GSE1: variants seen among roughly 807,000 people sequenced by gnomAD.
GSE1 encodes Gse1 coiled-coil protein, also known as genetic suppressor element 1.
A neutral mutation model predicts 112.6 loss-of-function variants in GSE1; 32 were observed. The observed-to-expected ratio is 0.28, with a 90% CI of 0.21 to 0.38. The LOEUF is 0.38. Ranked by LOEUF, GSE1 falls within the 10% of genes least tolerant of loss-of-function variation. The pLI, the probability that GSE1 is intolerant of heterozygous loss-of-function variation, is 1.00. For missense variants in GSE1, 2,348 were observed against 1,699.2 expected, an observed-to-expected ratio of 1.38 and a Z score of -6.71; for synonymous variants, 1,115 against 735.6, an observed-to-expected ratio of 1.52 and a Z score of -8.35.
intron 1 of GSE1, among the ~76,000 whole-genome samples, chr16:85,264,970 A>G (rs889830629): frequency 6.6e-6 from 1 of 152,276 alleles, no homozygotes; most frequent in East Asian, 1.9e-4. Context: ...GAGAAATGGG[A>G]CAGTCACATC....
intron 2 of GSE1, among the ~76,000 whole-genome samples, chr16:85,407,885 C>T (rs574493610): frequency 3.0e-3 from 67 of 22,074 alleles, no homozygotes; most frequent in African/African-American, 9.4e-3. Flanking sequence ...TAATCCTCAC[C>T]GTTACACTCA....
At chr16:85,209,033 T>C (rs923098087) in intron 1 of GSE1, among the ~76,000 whole-genome samples, 1 of 150,784 alleles carries the variant, frequency 6.6e-6, no homozygotes, top group Non-Finnish European at 1.5e-5. Flanking sequence ...GGTTCGCCTG[T>C]GTTGGGGTTT....
At chr16:85,275,680 A>G (rs1031459794) in intron 1 of GSE1, among the ~76,000 whole-genome samples, 1 of 152,058 alleles carries the variant, frequency 6.6e-6, no homozygotes, top group Non-Finnish European at 1.5e-5. Flanking sequence ...GGGTGAGGGG[A>G]CCCCAGGGAC....
chr16:85,386,205 G>C (rs891615699), intron 2 of GSE1, among the ~76,000 whole-genome samples: 1 of 152,168 alleles, frequency 6.6e-6, no homozygotes, highest in Non-Finnish European at 1.5e-5. Flanking sequence ...TCAGCATTGT[G>C]GCCAGCAGAG....
chr16:85,208,938 G>T (rs565134565), intron 1 of GSE1, among the ~76,000 whole-genome samples: 368 of 151,076 alleles, frequency 2.4e-3, no homozygotes, highest in African/African-American at 8.5e-3. Context: ...CGCCTGTGTT[G>T]GGGTTCGCCG....
chr16:85,292,329 T>TA (rs1355275163), intron 1 of GSE1, among the ~76,000 whole-genome samples: 1 of 5,414 alleles, frequency 1.8e-4, no homozygotes, highest in African/African-American at 6.2e-4. Context: ...TTTGTTTTTG[T>TA]TTTTTTTTTT....
intron 2 of GSE1, among the ~76,000 whole-genome samples, chr16:85,642,884 T>C (rs1433035723): frequency 1.3e-5 from 2 of 152,142 alleles, no homozygotes; most frequent in African/African-American, 4.8e-5. Context: ...GGTCAGGGCC[T>C]GTGGCTTTGG....
chr16:85,221,953 G>C (rs571361009), intron 1 of GSE1, among the ~76,000 whole-genome samples: 1 of 152,162 alleles, frequency 6.6e-6, no homozygotes, highest in South Asian at 2.1e-4. Flanking sequence ...CCGCCCCACA[G>C]GGTCACCGGT....
chr16:85,261,613 G>A (rs1047313645), intron 1 of GSE1, among the ~76,000 whole-genome samples: 3 of 152,188 alleles, frequency 2.0e-5, no homozygotes, highest in East Asian at 1.9e-4. Flanking sequence ...GGGACTTGGC[G>A]GCCAGCAGGA....
chr16:85,454,733 C>G (rs2049777599), intron 2 of GSE1, among the ~76,000 whole-genome samples: 1 of 152,166 alleles, frequency 6.6e-6, no homozygotes, highest in African/African-American at 2.4e-5. Flanking sequence ...GCTTGGCACT[C>G]CTTGCCGTGT....
rs868125599 is a variant in GSE1, at chr16:85,624,544, G to A, written c.8-9370G>A. Among the ~76,000 whole-genome samples, 37 of 152,350 alleles carry A rather than the reference G, an allele frequency of 2.4e-4. 1 individual carries two copies. In the Middle Eastern group the frequency reaches 0.01, roughly 42 times the overall value. ...CAGGGTGAGAGCTGCCACAGGGAGG[G>A]GACCCCAAGTGACGCCAGCCATTTC... is the stretch of plus-strand genomic sequence containing the variant. On this transcript the variant is annotated intron_variant, in intron 1 of 15. Transcript: ENST00000253458.
intron 1 of GSE1, among the ~76,000 whole-genome samples, chr16:85,585,485 C>G (rs775237766): frequency 6.8e-6 from 1 of 146,194 alleles, no homozygotes; most frequent in Non-Finnish European, 1.5e-5. Flanking sequence ...TCCTCTGTGT[C>G]GCCTACGTTT....
chr16:85,229,164 C>G (rs754253541), intron 1 of GSE1, among the ~76,000 whole-genome samples: 1 of 152,226 alleles, frequency 6.6e-6, no homozygotes, highest in Non-Finnish European at 1.5e-5. Context: ...AGGACGCCCC[C>G]CTTTGTGGGT....
At chr16:85,477,722 G>A (rs530776664) in intron 2 of GSE1, among the ~76,000 whole-genome samples, 117 of 151,960 alleles carry the variant, frequency 7.7e-4, no homozygotes, top group Middle Eastern at 6.8e-3. Context: ...CACCATGCCC[G>A]GCTAATTTTT....
At chr16:85,243,651 C>T (rs1290463303) in intron 1 of GSE1, among the ~76,000 whole-genome samples, 1 of 152,196 alleles carries the variant, frequency 6.6e-6, no homozygotes, top group East Asian at 1.9e-4. Context: ...GAGCACGGAG[C>T]AGGCTTTGTG....
chr16:85,622,412 A>T (rs2048797655), intron 1 of GSE1, among the ~76,000 whole-genome samples: 1 of 152,158 alleles, frequency 6.6e-6, no homozygotes, highest in Non-Finnish European at 1.5e-5. Context: ...CTGTCCAGGC[A>T]GGTCATATTG....
At position 85,672,532 on chromosome 16, in the gene GSE1, C is replaced by T. The variant is rs774343001; in HGVS notation, c.3647C>T (p.Pro1216Leu). Residue 1216 changes from proline to leucine, a missense_variant, in exon 16 of 16, where the codon CCC becomes CTC. By Grantham distance (98) the Pro-to-Leu change is moderately conservative (BLOSUM62 -3). Transcript: ENST00000253458. ...CCTAGGGGCTACCTGAAGGGATATC[C>T]CAGGTGACGGTTTCCCTTGCACTAG... ...HWPRGYLKGY[P>L]R 6 of 1,603,420 alleles carry T rather than the reference C, an allele frequency of 3.7e-6. No homozygotes were observed. Among genetic ancestry groups the T allele is most frequent in the Non-Finnish European group, 5.1e-6 (6 of 1,171,792 alleles).
In GSE1 at chr16:85,385,052, G is replaced by T. The variant is rs572047744; in HGVS notation, c.2464+27409G>T. On this transcript the variant is annotated intron_variant, in intron 2 of 2. Coordinates refer to the GSE1 transcript ENST00000637419. ...ACTTCCCATCATAAAAGTCTCACTG[G>T]CTCCGCCACCTGCCCCGGGCCCTGT... Among the ~76,000 whole-genome samples the T allele has an allele frequency of 1.9e-3, 285 of 152,356 alleles. 1 individual carries two copies. Among genetic ancestry groups the T allele is most frequent in the African/African-American group, 6.7e-3 (277 of 41,590 alleles).
At chr16:85,585,763 A>G (rs1598283303) in intron 1 of GSE1, among the ~76,000 whole-genome samples, 1 of 152,086 alleles carries the variant, frequency 6.6e-6, no homozygotes, top group African/African-American at 2.4e-5. Context: ...GCATCATCCC[A>G]CTCTGAGAGC....
Sources: gnomAD v4.1 joint callset for allele counts (sites outside exome capture counted in the v4.1 genomes callset) on GRCh38, gnomAD v4.1.1 for gene constraint, MANE v1.5 for transcripts, NCBI Gene and HGNC (gene_info 2026-07-23, HGNC 2026-07-21) for gene names.